Variants in DSG3 observed in about 807,000 individuals in gnomAD.
DSG3 encodes the protein desmoglein 3.
A neutral mutation model predicts 85.9 loss-of-function variants in DSG3; 63 were observed. That is an observed-to-expected ratio of 0.73 (90% CI 0.60 to 0.90). The LOEUF is 0.90. DSG3 is among the 40% of genes least tolerant of loss of function. The pLI, the probability that DSG3 is intolerant of heterozygous loss-of-function variation, is 0.00. For synonymous variants in DSG3, 447 were observed against 441.9 expected, an observed-to-expected ratio of 1.01 and a Z score of -0.14; for missense variants, 1,220 against 1,219.9, an observed-to-expected ratio of 1.00 and a Z score of 0.00.
At chr18:31,471,757 T>C (rs1443518938) in intron 12 of DSG3, among the ~76,000 whole-genome samples, 1 of 152,200 alleles carries the variant, frequency 6.6e-6, no homozygotes, top group Admixed American at 6.5e-5. Flanking sequence ...TAAGAATGCA[T>C]TGACAGCCAT....
intron 9 of DSG3, among the ~76,000 whole-genome samples, 187 bp from the exon 10 acceptor site, chr18:31,465,131 A>G (rs1488806775): frequency 1.3e-5 from 2 of 152,076 alleles, no homozygotes; most frequent in Non-Finnish European, 2.9e-5. Context: ...GTCTCAAAAA[A>G]AAAAAAAAGA....
rs2072688612 is a variant in DSG3, at chr18:31,447,942, C to T, written c.48+17C>T. On this transcript the variant is annotated intron_variant, in intron 1 of 15. Transcript: ENST00000257189. ...ATCTTCGTGGTAAGTCCTGGATTTT[C>T]CTAATAATCACAAACTTCCCTGCTT... The T allele has an allele frequency of 1.6e-5, 24 of 1,541,072 alleles. No individual in the cohort carries two copies. Among genetic ancestry groups the T allele is most frequent in the Non-Finnish European group, 2.1e-5 (24 of 1,146,556 alleles).
At chr18:31,471,872 A>C (rs2144243354) in intron 12 of DSG3, among the ~76,000 whole-genome samples, 1 of 152,320 alleles carries the variant, frequency 6.6e-6, no homozygotes, top group South Asian at 2.1e-4. Flanking sequence ...TGCCCACCTA[A>C]AATCTGGACC....
rs937614171 is a variant in DSG3, at chr18:31,472,737, A to G, written c.2050A>G (p.Ile684Val). 12 of 1,613,892 alleles carry G rather than the reference A, an allele frequency of 7.4e-6. No individual in the cohort carries two copies. The highest frequency in any genetic ancestry group is 9.3e-6 in the Non-Finnish European group (11 of 1,179,956). Residue 684 changes from isoleucine (I) to valine (V), a missense_variant, in exon 14 of 16, where the codon ATT becomes GTT. By Grantham distance (29) the Ile-to-Val change is conservative (BLOSUM62 3). Transcript: ENST00000257189. ...ACATGGTTTGCAGGAAATCACAAATATTTGTGTGCCTCCTGTAACAGCCAA... is the reference window on the plus strand; with the variant it reads ...ACATGGTTTGCAGGAAATCACAAATGTTTGTGTGCCTCCTGTAACAGCCAA... The part of the protein sequence containing the change: ...AHPEDKEITN[I>V]CVPPVTANGA...
intron 1 of DSG3, among the ~76,000 whole-genome samples, chr18:31,448,528 G>C (rs1460598): frequency 4.7e-4 from 71 of 151,834 alleles, no homozygotes; most frequent in Middle Eastern, 6.8e-3. Context: ...ATTTTTTTCA[G>C]AAAAGTAATA....
At chr18:31,451,412 G>GA (rs1049786531) in intron 1 of DSG3, among the ~76,000 whole-genome samples, 3 of 151,412 alleles carry the variant, frequency 2.0e-5, no homozygotes, top group African/African-American at 7.3e-5. Flanking sequence ...TTGGTGGTAG[G>GA]AAAAAAAAGA....
chr18:31,471,946 A>G (rs2144243467), intron 12 of DSG3, among the ~76,000 whole-genome samples: 1 of 152,356 alleles, frequency 6.6e-6, no homozygotes, highest in South Asian at 2.1e-4. Context: ...AACATGTGCA[A>G]ATAAATGCAA....
At position 31,475,846 on chromosome 18, in the gene DSG3, T is replaced by G; in HGVS notation, c.2586T>G (p.Gly862=). 6.2e-7 allele frequency: 1 copy of G among 1,614,166 alleles called. No individual in the cohort carries two copies. Among genetic ancestry groups the G allele is most frequent in the Non-Finnish European group, 8.5e-7 (1 of 1,180,042 alleles). Residue 862 remains glycine (G), a synonymous_variant, in exon 16 of 16, where the codon GGT becomes GGG. Transcript: ENST00000257189. ...KFKKLAEISL[G]VDGEGKEVQP... is the part of the protein sequence containing the mutation. Reference sequence around the variant, plus strand: ...AAAAACTTGCAGAGATAAGCCTTGGTGTTGATGGTGAAGGCAAAGAAGTTC... The same window carrying G: ...AAAAACTTGCAGAGATAAGCCTTGGGGTTGATGGTGAAGGCAAAGAAGTTC...
chr18:31,456,195 T>C (rs1347207987), intron 1 of DSG3, among the ~76,000 whole-genome samples: 2 of 152,234 alleles, frequency 1.3e-5, no homozygotes, highest in African/African-American at 4.8e-5. Context: ...CAATAGGTTC[T>C]TCTTTATGTC....
At position 31,474,162 on chromosome 18, in the gene DSG3, G is replaced by A; in HGVS notation, c.2143G>A (p.Gly715Ser). 6.2e-7 allele frequency: 1 copy of A among 1,614,150 alleles called. No homozygotes were observed. Among genetic ancestry groups the A allele is most frequent in the Non-Finnish European group, 8.5e-7 (1 of 1,179,972 alleles). ...NTYARGTAVE[G>S]TSGMEMTTKL... ...GTATGCCAGAGGCACAGCGGTGGAA[G>A]GCACTTCAGGAATGGAAATGACCAC... Residue 715 changes from glycine to serine, a missense_variant, in exon 15 of 16, where the codon GGC becomes AGC. Physicochemically the swap from Gly to Ser is moderately conservative, Grantham distance 56. Coordinates refer to ENST00000257189, the MANE Select transcript of DSG3 (RefSeq NM_001944.3).
intron 4 of DSG3, among the ~76,000 whole-genome samples, 172 bp downstream of exon 4, chr18:31,458,772 G>A (rs2072765373): frequency 6.6e-6 from 1 of 152,182 alleles, no homozygotes; most frequent in Non-Finnish European, 1.5e-5. Context: ...ACACAGCAGA[G>A]GGTGCATGAG....
intron 7 of DSG3, 35 bp downstream of exon 7, chr18:31,460,996 A>G (rs971211412): frequency 2.6e-6 from 4 of 1,543,252 alleles, no homozygotes; most frequent in African/African-American, 2.8e-5. Context: ...TCATTTAGAT[A>G]TATATTTAAT....
chr18:31,464,157 T>C lies in DSG3; in HGVS notation c.1046T>C (p.Val349Ala). 6.2e-7 allele frequency: 1 copy of C among 1,614,118 alleles called. No homozygotes were observed. The highest frequency in any genetic ancestry group is 1.3e-5 in the African/African-American group (1 of 75,048). Residue 349 changes from valine (V) to alanine (A), a missense_variant, in exon 9 of 16, where the codon GTC (valine) becomes GCC (alanine). Physicochemically the swap from Val to Ala is moderately conservative, Grantham distance 64 (BLOSUM62 0). Transcript: ENST00000257189. ...CAAAGCGTGAAACTTAGTATTGCTG[T>C]CAAAAACAAAGCTGAATTTCACCAA... The part of the protein sequence containing the change: ...QLQSVKLSIA[V>A]KNKAEFHQSV...
intron 4 of DSG3, 59 bp downstream of exon 4, chr18:31,458,659 A>G: frequency 6.4e-7 from 1 of 1,551,702 alleles, no homozygotes; most frequent in East Asian, 2.3e-5. Context: ...CGCTTTAGAA[A>G]GTGACAGTTT....
At position 31,476,386 on chromosome 18, in the gene DSG3, G is replaced by A; in HGVS notation, c.*126G>A. ...CACTTATTAGCTTCTCTCATAAACT[G>A]ATCACGATTATAAATTAAATGTTTG... On this transcript the variant is annotated 3_prime_UTR_variant, in exon 16 of 16. Coordinates refer to ENST00000257189, the MANE Select transcript of DSG3 (RefSeq NM_001944.3). 2.7e-6 allele frequency: 3 copies of A among 1,106,184 alleles called. No homozygotes were observed. Among genetic ancestry groups the A allele is most frequent in the Non-Finnish European group, 3.8e-6 (3 of 794,414 alleles). The allele number at this position is 1,106,184 out of a possible 1,614,324, so 68.5% of individuals were successfully genotyped here.
chr18:31,462,711 C>A (rs2072794046), intron 8 of DSG3, among the ~76,000 whole-genome samples: 1 of 152,154 alleles, frequency 6.6e-6, no homozygotes, highest in Non-Finnish European at 1.5e-5. Flanking sequence ...CTTCTACCTC[C>A]TTACTGCCTG....
chr18:31,474,109 C>G lies in DSG3; in HGVS notation c.2102-12C>G, dbSNP rs758426683. 1 of 1,604,618 alleles carries G rather than the reference C, an allele frequency of 6.2e-7. No individual in the cohort carries two copies. Among genetic ancestry groups the G allele is most frequent in the Non-Finnish European group, 8.5e-7 (1 of 1,172,574 alleles). On this transcript the variant is annotated splice_polypyrimidine_tract_variant and intron_variant, in intron 14 of 15. Transcript: ENST00000257189. Reference sequence around the variant, plus strand: ...GCATAAGATATTACAGAATGTTCTCCCTTGTTTTTAGAAGTTTGTACAAAT... The same window carrying G: ...GCATAAGATATTACAGAATGTTCTCGCTTGTTTTTAGAAGTTTGTACAAAT...
chr18:31,458,495 A>T lies in DSG3; in HGVS notation c.267A>T (p.Gly89=), dbSNP rs1278062892. Residue 89 remains glycine (G), a synonymous_variant, in exon 4 of 16, where the codon GGA becomes GGT. Coordinates refer to ENST00000257189, the MANE Select transcript of DSG3 (RefSeq NM_001944.3). The stretch of plus-strand genomic sequence containing the variant: ...AGAAAATCACCTACCGAATCTCTGG[A>T]GTGGGAATCGATCAGCCGCCTTTTG... The part of the protein sequence containing the change: ...ATQKITYRIS[G]VGIDQPPFGI... The T allele has an allele frequency of 1.2e-6, 2 of 1,613,990 alleles. No individual in the cohort carries two copies.
Position 31,474,242 on chromosome 18 carries a change from A to T in DSG3, c.2223A>T (p.Thr741=). ...GTGCTGCAGGCTTTGCAACAGGGAC[A>T]GTGTCAGGAGCTGCTTCAGGATTCG... ...SGGAAGFATG[T]VSGAASGFGA... is the part of the protein sequence containing the mutation. Residue 741 remains threonine (T), a synonymous_variant, in exon 15 of 16, where the codon ACA becomes ACT. Coordinates refer to ENST00000257189, the MANE Select transcript of DSG3 (RefSeq NM_001944.3). The T allele has an allele frequency of 6.2e-7, 1 of 1,614,212 alleles. No individual in the cohort carries two copies. The highest frequency in any genetic ancestry group is 8.5e-7 in the Non-Finnish European group (1 of 1,180,040).
Sources: allele counts gnomAD v4.1 joint callset (sites outside exome capture counted in the v4.1 genomes callset), GRCh38; gene constraint gnomAD v4.1.1; transcripts MANE v1.5; gene names NCBI Gene and HGNC (gene_info 2026-07-23, HGNC 2026-07-21).